Variants in SLIT3 observed in about 807,000 individuals in gnomAD.
SLIT3 encodes the protein slit homolog 3 protein.
A neutral mutation model predicts 184.0 loss-of-function variants in SLIT3; 68 were observed. The ratio of observed to expected loss-of-function variants is 0.37; its 90% confidence interval spans 0.30 to 0.45. The LOEUF (loss-of-function observed/expected upper bound fraction) is 0.45, where lower values mean the gene tolerates loss of function less well. SLIT3 is among the 20% of genes least tolerant of loss of function. The pLI, the probability that SLIT3 is intolerant of heterozygous loss-of-function variation, is 1.00. For synonymous variants in SLIT3, 831 were observed against 828.6 expected (o/e 1.00, Z -0.05); for missense variants, 1,707 against 2,026.0 (o/e 0.84, Z 3.02).
chr5:168,762,796 C>T, intron 14 of SLIT3, 107 bp from the exon 15 acceptor site: 3 of 1,098,850 alleles, frequency 2.7e-6, no homozygotes, highest in Non-Finnish European at 4.0e-6. Context: ...GAGTTGGGGG[C>T]TGTTAGGGGT....
chr5:169,054,220 A>G (rs1757909988), intron 4 of SLIT3, among the ~76,000 whole-genome samples: 1 of 151,328 alleles, frequency 6.6e-6, no homozygotes, highest in Non-Finnish European at 1.5e-5. Context: ...AGACACTAAA[A>G]AAAAAAAAAA....
Position 169,041,257 on chromosome 5 carries a change from G to A in SLIT3, c.413+152222C>T, listed in dbSNP as rs76909273. ...ATCATTTATTCGACAAACATATACC[G>A]AGCACATAGGCTGTATGCTGAGCAC... On this transcript the variant is annotated intron_variant, in intron 4 of 35. Coordinates refer to ENST00000519560, the MANE Select transcript of SLIT3 (RefSeq NM_003062.4). 6.6e-3 allele frequency among the ~76,000 whole-genome samples: 999 copies of A among 152,190 alleles called. 3 individuals are homozygous for A. The highest frequency in any genetic ancestry group is 0.044 in the Middle Eastern group (13 of 294).
intron 20 of SLIT3, among the ~76,000 whole-genome samples, chr5:168,730,112 TA>T (rs34425836): frequency 0.074 from 10,991 of 148,556 alleles, 801 homozygotes; most frequent in Admixed American, 0.2. Context: ...CATAAAACAG[TA>T]AAAAAAAAAG....
intron 5 of SLIT3, among the ~76,000 whole-genome samples, chr5:168,861,278 C>T (rs1209227163): frequency 6.6e-6 from 1 of 151,870 alleles, no homozygotes; most frequent in Non-Finnish European, 1.5e-5. Flanking sequence ...CACGACAGGC[C>T]CCAGTGTGTG....
intron 4 of SLIT3, among the ~76,000 whole-genome samples, chr5:169,091,210 C>T (rs1299806786): frequency 2.6e-5 from 4 of 152,122 alleles, no homozygotes; most frequent in African/African-American, 9.6e-5. Context: ...GAAGTTAACA[C>T]ATTCTAATAT....
At chr5:169,291,231 G>A (rs1767354488) in intron 1 of SLIT3, among the ~76,000 whole-genome samples, 2 of 152,164 alleles carry the variant, frequency 1.3e-5, no homozygotes, top group Non-Finnish European at 2.9e-5. Context: ...CTAAGAGAAA[G>A]CAAGTGGTGC....
chr5:169,239,140 G>C (rs1198485296), intron 3 of SLIT3, among the ~76,000 whole-genome samples: 1 of 152,116 alleles, frequency 6.6e-6, no homozygotes, highest in African/African-American at 2.4e-5. Context: ...GTTTTTATTT[G>C]AGAGGTGAAA....
intron 4 of SLIT3, among the ~76,000 whole-genome samples, chr5:169,010,392 A>G (rs1431660297): frequency 6.6e-6 from 1 of 152,142 alleles, no homozygotes; most frequent in Non-Finnish European, 1.5e-5. Context: ...GATTTTGACC[A>G]TGGTTTCCTG....
At chr5:169,032,851 C>G (rs62379484) in intron 4 of SLIT3, among the ~76,000 whole-genome samples, 14,155 of 147,976 alleles carry the variant, frequency 0.096, 1,064 homozygotes, top group African/African-American at 0.21. Flanking sequence ...GATACAAACA[C>G]ATAGTAAAAA....
intron 4 of SLIT3, among the ~76,000 whole-genome samples, chr5:169,027,340 T>C (rs57749953): frequency 1.3e-5 from 2 of 152,230 alleles, no homozygotes; most frequent in Non-Finnish European, 1.5e-5. Context: ...ATAATATTTC[T>C]TGATGCTCAT....
chr5:169,154,834 T>A (rs142635003), intron 4 of SLIT3, among the ~76,000 whole-genome samples: 5 of 152,316 alleles, frequency 3.3e-5, no homozygotes, highest in African/African-American at 1.2e-4. Flanking sequence ...AGAACAAGGA[T>A]CAAAGAAAAT....
At chr5:169,261,622 C>A (rs1273918461) in intron 1 of SLIT3, among the ~76,000 whole-genome samples, 2 of 152,122 alleles carry the variant, frequency 1.3e-5, no homozygotes, top group Non-Finnish European at 2.9e-5. Context: ...AGACCTGGCA[C>A]TATGCTGATG....
chr5:169,095,456 A>G (rs1487560143), intron 4 of SLIT3, among the ~76,000 whole-genome samples: 3 of 152,190 alleles, frequency 2.0e-5, no homozygotes, highest in Non-Finnish European at 4.4e-5. Context: ...TCCCTAGGAC[A>G]TACTCTGAAG....
intron 4 of SLIT3, among the ~76,000 whole-genome samples, chr5:169,150,712 G>GCA (rs1239248510): frequency 6.6e-6 from 1 of 152,168 alleles, no homozygotes; most frequent in Non-Finnish European, 1.5e-5. Context: ...TAATACTAAT[G>GCA]CATTGTGACC....
intron 1 of SLIT3, among the ~76,000 whole-genome samples, chr5:169,262,067 C>T (rs1250239146): frequency 6.6e-6 from 1 of 152,160 alleles, no homozygotes; most frequent in Non-Finnish European, 1.5e-5. Context: ...TCCAGTTGAG[C>T]CTTGAGATGA....
intron 4 of SLIT3, among the ~76,000 whole-genome samples, chr5:168,885,651 G>A (rs573445767): frequency 3.2e-4 from 48 of 152,294 alleles, no homozygotes; most frequent in Non-Finnish European, 6.2e-4. Flanking sequence ...TGGCGGCTCT[G>A]GAAGATGAGC....
At chr5:169,094,457 C>T (rs1226729040) in intron 4 of SLIT3, among the ~76,000 whole-genome samples, 6 of 152,252 alleles carry the variant, frequency 3.9e-5, no homozygotes, top group South Asian at 2.1e-4. Context: ...AGTGAAACCC[C>T]GTCTCTACTA....
At position 168,727,697 on chromosome 5, in the gene SLIT3, A is replaced by G. The variant is rs79437598; in HGVS notation, c.2271-3213T>C. ...CTCCCTGCATGAAAGGCTGTGGGGTATTTGCATTCTGAGTGAATGCTTGCC... is the reference window on the plus strand; with the variant it reads ...CTCCCTGCATGAAAGGCTGTGGGGTGTTTGCATTCTGAGTGAATGCTTGCC... On this transcript the variant is annotated intron_variant, in intron 20 of 35. Transcript: ENST00000519560. 2.6e-3 allele frequency among the ~76,000 whole-genome samples: 392 copies of G among 152,254 alleles called. 8 individuals are homozygous for G. The East Asian group carries it at 0.05, about 20-fold the overall frequency.
chr5:169,283,921 T>C (rs1457388555), intron 1 of SLIT3, among the ~76,000 whole-genome samples: 2 of 152,100 alleles, frequency 1.3e-5, no homozygotes, highest in East Asian at 1.9e-4. Flanking sequence ...TGGGAGGTCT[T>C]AGGGAAGAAA....
Sources: allele counts gnomAD v4.1 joint callset (sites outside exome capture counted in the v4.1 genomes callset), GRCh38; gene constraint gnomAD v4.1.1; transcripts MANE v1.5; gene names NCBI Gene and HGNC (gene_info 2026-07-23, HGNC 2026-07-21).